Variants in POU2F1 observed in about 807,000 individuals in gnomAD.
POU2F1 encodes POU class 2 homeobox 1, also known as POU domain, class 2, transcription factor 1.
In POU2F1, 16 loss-of-function variants were observed where a neutral mutation model predicts 84.9. That is an observed-to-expected ratio of 0.19 (90% CI 0.13 to 0.29). The LOEUF (loss-of-function observed/expected upper bound fraction) is 0.29, where lower values mean the gene tolerates loss of function less well. POU2F1 is among the 10% of genes least tolerant of loss of function. The pLI is 1.00. For missense variants in POU2F1, 738 were observed against 942.6 expected (o/e 0.78, Z 2.84); for synonymous variants, 368 against 368.3 (o/e 1.00, Z 0.01).
chr1:167,302,140 C>T (rs1272262837), intron 1 of POU2F1, among the ~76,000 whole-genome samples: 2 of 152,076 alleles, frequency 1.3e-5, no homozygotes, highest in Non-Finnish European at 2.9e-5. Context: ...GGCACCATCT[C>T]GGCTTACTGC....
At chr1:167,280,181 C>T (rs1653021373) in intron 1 of POU2F1, among the ~76,000 whole-genome samples, 1 of 109,438 alleles carries the variant, frequency 9.1e-6, no homozygotes. Context: ...GAGTGATACT[C>T]TGTCTCGGGG....
intron 1 of POU2F1, among the ~76,000 whole-genome samples, chr1:167,261,118 T>C (rs1286106870): frequency 6.6e-6 from 1 of 152,136 alleles, no homozygotes; most frequent in East Asian, 1.9e-4. Context: ...AGGAGAGTGG[T>C]TCCCAGTCAA....
chr1:167,359,651 G>A (rs1261765866), intron 2 of POU2F1, among the ~76,000 whole-genome samples: 1 of 152,148 alleles, frequency 6.6e-6, no homozygotes, highest in African/African-American at 2.4e-5. Flanking sequence ...TGCAAATGCA[G>A]GTGTCTTTTG....
intron 2 of POU2F1, among the ~76,000 whole-genome samples, chr1:167,341,286 A>G (rs1322294042): frequency 6.6e-6 from 1 of 152,126 alleles, no homozygotes; most frequent in Non-Finnish European, 1.5e-5. Flanking sequence ...GGATATTTAA[A>G]TATATTTTAA....
intron 1 of POU2F1, among the ~76,000 whole-genome samples, chr1:167,266,428 A>T (rs112323415): frequency 0.014 from 2,057 of 152,322 alleles, 46 homozygotes; most frequent in African/African-American, 0.047. Flanking sequence ...GTGCTTTTAC[A>T]AAATCTTTTC....
chr1:167,396,422 A>G lies in POU2F1; in HGVS notation c.1124A>G (p.Asp375Gly). ...CCACTTTTAGAGAAGTGGCTAAATG[A>G]TGCAGGTAAGTGACTGTATAAGACA... Reference protein sequence around the residue: ...LKPLLEKWLNDAENLSSDSSL... With the variant: ...LKPLLEKWLNGAENLSSDSSL... The change falls in exon 10 of 16, where the codon GAT (aspartate) becomes GGT (glycine). Residue 375 changes from aspartate (D) to glycine (G), a missense_variant. Physicochemically the swap from Asp to Gly is moderately conservative, Grantham distance 94. Coordinates refer to ENST00000367866, the MANE Select transcript of POU2F1 (RefSeq NM_002697.4). The G allele has an allele frequency of 1.2e-6, 2 of 1,613,750 alleles. No individual in the cohort carries two copies. The highest frequency in any genetic ancestry group is 1.7e-6 in the Non-Finnish European group (2 of 1,179,740).
intron 13 of POU2F1, among the ~76,000 whole-genome samples, chr1:167,409,667 T>C (rs375744756): frequency 6.6e-6 from 1 of 152,216 alleles, no homozygotes; most frequent in Non-Finnish European, 1.5e-5. Flanking sequence ...AATTCACTGA[T>C]AAAATTTGAC....
At chr1:167,395,141 C>A (rs1048799802) in intron 9 of POU2F1, among the ~76,000 whole-genome samples, 1 of 152,160 alleles carries the variant, frequency 6.6e-6, no homozygotes, top group African/African-American at 2.4e-5. Flanking sequence ...AACTATCTTA[C>A]GCTTTTTTCC....
chr1:167,384,961 GA>G (rs1647851861), intron 8 of POU2F1, among the ~76,000 whole-genome samples: 1 of 151,958 alleles, frequency 6.6e-6, no homozygotes, highest in Non-Finnish European at 1.5e-5. Flanking sequence ...AAATCTTAAG[GA>G]ATCTACCAAA....
intron 1 of POU2F1, among the ~76,000 whole-genome samples, chr1:167,309,741 G>A (rs1406119015): frequency 6.6e-6 from 1 of 152,028 alleles, no homozygotes; most frequent in Non-Finnish European, 1.5e-5. Flanking sequence ...AGCTTAATTA[G>A]GCATTTTATA....
At chr1:167,375,654 A>AT (rs1660278096) in intron 6 of POU2F1, among the ~76,000 whole-genome samples, 1 of 152,238 alleles carries the variant, frequency 6.6e-6, no homozygotes, top group Admixed American at 6.5e-5. Context: ...AACACGATCA[A>AT]TTTTTATTTA....
chr1:167,232,646 C>A (rs1026284556), intron 1 of POU2F1, among the ~76,000 whole-genome samples: 9 of 152,074 alleles, frequency 5.9e-5, no homozygotes, highest in Non-Finnish European at 1.0e-4. Flanking sequence ...AGTTCGAGAC[C>A]AGCCTGGCCA....
intron 1 of POU2F1, among the ~76,000 whole-genome samples, chr1:167,330,771 T>C (rs1007358702): frequency 2.0e-5 from 3 of 152,144 alleles, no homozygotes; most frequent in African/African-American, 7.2e-5. Flanking sequence ...ATATGAATTG[T>C]ACAAAGTCAG....
intron 1 of POU2F1, among the ~76,000 whole-genome samples, chr1:167,291,549 G>GATAT (rs1199011264): frequency 6.6e-6 from 1 of 152,104 alleles, no homozygotes; most frequent in East Asian, 1.9e-4. Flanking sequence ...ACAAACAAGT[G>GATAT]ATATATTTGT....
chr1:167,371,799 C>G (rs1401564215), intron 4 of POU2F1, 118 bp from the exon 5 acceptor site: 7 of 1,399,830 alleles, frequency 5.0e-6, no homozygotes, highest in Non-Finnish European at 7.0e-6. Flanking sequence ...AGGAGGTAAA[C>G]CAGAACTCAT....
chr1:167,303,825 T>C (rs906712277), intron 1 of POU2F1, among the ~76,000 whole-genome samples: 1 of 152,210 alleles, frequency 6.6e-6, no homozygotes, highest in Non-Finnish European at 1.5e-5. Context: ...GACTCTGGTC[T>C]CTTTTGAAAA....
At chr1:167,408,682 G>C (rs578052922) in intron 13 of POU2F1, among the ~76,000 whole-genome samples, 2 of 152,286 alleles carry the variant, frequency 1.3e-5, no homozygotes, top group South Asian at 4.1e-4. Flanking sequence ...CAGATAACTA[G>C]GTAGGAGTGT....
rs190077637 is a variant in POU2F1 at position 167,325,610 on chromosome 1, G to A, written c.62-6860G>A. On this transcript the variant is annotated intron_variant, in intron 1 of 15. Transcript: ENST00000367866. Reference sequence around the variant, plus strand: ...AAAATATTTTAATACTAGTAGTGTCGGCTGGGCATGGTGGCTCATGCCTGT... The same window carrying A: ...AAAATATTTTAATACTAGTAGTGTCAGCTGGGCATGGTGGCTCATGCCTGT... Among the ~76,000 whole-genome samples, 659 of 152,048 alleles carry A rather than the reference G, an allele frequency of 4.3e-3. 7 individuals carry two copies. The highest frequency in any genetic ancestry group is 0.015 in the African/African-American group (602 of 41,452).
chr1:167,326,644 C>CGG (rs1313517128), intron 1 of POU2F1, among the ~76,000 whole-genome samples: 3 of 152,072 alleles, frequency 2.0e-5, no homozygotes, highest in African/African-American at 7.2e-5. Flanking sequence ...AGAGGGGAAG[C>CGG]GGGGGGTCCC....
Sources: gnomAD v4.1 joint callset for allele counts (sites outside exome capture counted in the v4.1 genomes callset) on GRCh38, gnomAD v4.1.1 for gene constraint, MANE v1.5 for transcripts, NCBI Gene and HGNC (gene_info 2026-07-23, HGNC 2026-07-21) for gene names.